H3C4: variants seen among roughly 807,000 people sequenced by gnomAD.
H3C4 encodes histone H3.1.
H3C4 carries 10 observed loss-of-function variants against 8.7 expected under a neutral mutation model. The ratio of observed to expected loss-of-function variants is 1.15; its 90% confidence interval spans 0.71 to 1.96. H3C4 has a LOEUF of 1.96. H3C4 is among the 30% of genes most tolerant of loss of function. H3C4 has a pLI of 0.00. For missense variants in H3C4, 216 were observed against 192.9 expected (o/e 1.12, Z -0.71); for synonymous variants, 141 against 80.1 (o/e 1.76, Z -4.06).
chr6:26,197,688 G>A (rs746577627), upstream of H3C4, among the ~76,000 whole-genome samples: 17 of 151,912 alleles, frequency 1.1e-4, no homozygotes, highest in Admixed American at 5.2e-4. Flanking sequence ...TTCATATCTT[G>A]ATTTGTCTAT....
upstream of H3C4, among the ~76,000 whole-genome samples, chr6:26,197,654 C>T (rs1418843859): frequency 6.6e-6 from 1 of 151,842 alleles, no homozygotes; most frequent in Non-Finnish European, 1.5e-5. Flanking sequence ...TTCTTTTTAC[C>T]CTCTTAAGTT....
rs752221139 is a variant in H3C4, at chr6:26,196,959, CGCAGGCCTCCT to C, written c.281_291del (p.Gln94ArgfsTer9). On this transcript the variant is annotated frameshift_variant, in exon 1 of 1. Transcript: ENST00000356476. LOFTEE classifies it high-confidence loss of function. ...TCAAACAGCCCCACCAGGTAGGCCTCGCAGGCCTCCTGCAGCGCCATCACCGCCGAGCTCTG... is the reference window on the plus strand; with the variant it reads ...TCAAACAGCCCCACCAGGTAGGCCTCGCAGCGCCATCACCGCCGAGCTCTG... 4.5e-5 allele frequency: 73 copies of C among 1,614,122 alleles called. 1 individual carries two copies. The Middle Eastern group carries it at 6.6e-4, about 15-fold the overall frequency.
At chr6:26,198,887 C>T (rs887806856), upstream of H3C4, 6 of 1,614,218 alleles carry the variant, frequency 3.7e-6, no homozygotes, top group East Asian at 6.7e-5. Context: ...TCTCAGTCTT[C>T]TTGGGGAGCA....
upstream of H3C4, chr6:26,198,776 G>C (rs1324814639): frequency 1.4e-6 from 2 of 1,438,788 alleles, no homozygotes; most frequent in East Asian, 2.3e-5. Context: ...GCCCTTTTAA[G>C]GAATACATGG....
chr6:26,196,866 G>A lies in H3C4; in HGVS notation c.385C>T (p.Arg129Cys). ...TIMPKDIQLA[R>C]RIRGERA ...TACGCCCTCTCCCCACGAATGCGGC[G>A]AGCAAGCTGGATGTCCTTGGGCATG... The change falls in exon 1 of 1, where the codon CGC (arginine) becomes TGC (cysteine). Residue 129 changes from arginine (R) to cysteine (C), a missense_variant. Physicochemically the swap from Arg to Cys is radical, Grantham distance 180. Transcript: ENST00000356476. The A allele has an allele frequency of 1.2e-6, 2 of 1,614,210 alleles. No homozygotes were observed. Among genetic ancestry groups the A allele is most frequent in the South Asian group, 2.2e-5 (2 of 91,088 alleles).
At chr6:26,197,415 C>T (rs527437938), upstream of H3C4, 4 of 649,652 alleles carry the variant, frequency 6.2e-6, no homozygotes, top group Non-Finnish European at 1.1e-5. Flanking sequence ...GCATGTAGAC[C>T]AAATATTAAA....
At chr6:26,199,244 T>C (rs371204548), upstream of H3C4, 11 of 1,592,212 alleles carry the variant, frequency 6.9e-6, no homozygotes, top group Non-Finnish European at 8.5e-6. Context: ...GTCCGGACAT[T>C]TTGAATTCTT....
chr6:26,199,212 G>C (rs137859753), upstream of H3C4: 3 of 1,607,636 alleles, frequency 1.9e-6, no homozygotes, highest in Non-Finnish European at 2.5e-6. Flanking sequence ...CTTAGCTCGG[G>C]CCTTTCCGCC....
At chr6:26,199,206 G>C (rs771157419), upstream of H3C4, 8 of 1,609,568 alleles carry the variant, frequency 5.0e-6, no homozygotes, top group Admixed American at 8.6e-5. Context: ...CTTAGCCTTA[G>C]CTCGGGCCTT....
chr6:26,198,621 C>T (rs1173743568), upstream of H3C4, among the ~76,000 whole-genome samples: 4 of 152,112 alleles, frequency 2.6e-5, no homozygotes, highest in East Asian at 1.9e-4. Flanking sequence ...CGTAAGGAAC[C>T]GCGCCCCGCC....
chr6:26,197,065 C>G lies in H3C4; in HGVS notation c.186G>C (p.Leu62=). 6.2e-7 allele frequency: 1 copy of G among 1,614,246 alleles called. No individual in the cohort carries two copies. Among genetic ancestry groups the G allele is most frequent in the South Asian group, 1.1e-5 (1 of 91,088 alleles). Residue 62 remains leucine, a synonymous_variant, in exon 1 of 1, where the codon CTG becomes CTC. Coordinates refer to ENST00000356476, the MANE Select transcript of H3C4 (RefSeq NM_001376937.1). ...IRRYQKSTEL[L]IRKLPFQRLV... ...GACGCTGGAATGGCAGTTTGCGAATCAGCAGCTCGGTCGACTTCTGGTAGC... is the reference window on the plus strand; with the variant it reads ...GACGCTGGAATGGCAGTTTGCGAATGAGCAGCTCGGTCGACTTCTGGTAGC...
At chr6:26,198,805 TTTG>T (rs1446959609), upstream of H3C4, 6 of 1,583,952 alleles carry the variant, frequency 3.8e-6, no homozygotes, top group East Asian at 2.2e-5. Context: ...GAAAAGAGCC[TTTG>T]TTAAGACTGC....
rs1764987913 is a variant in H3C4 at position 26,197,091 on chromosome 6, G to C, written c.160C>G (p.Arg54Gly). 6.2e-7 allele frequency: 1 copy of C among 1,614,210 alleles called. No homozygotes were observed. Among genetic ancestry groups the C allele is most frequent in the Non-Finnish European group, 8.5e-7 (1 of 1,180,034 alleles). Reference protein sequence around the residue: ...PGTVALREIRRYQKSTELLIR... With the variant: ...PGTVALREIRGYQKSTELLIR... ...AGCAGCTCGGTCGACTTCTGGTAGC[G>C]GCGGATCTCGCGCAGAGCCACCGTG... The change falls in exon 1 of 1, where the codon CGC becomes GGC. Residue 54 changes from arginine to glycine, a missense_variant. By Grantham distance (125) the Arg-to-Gly change is moderately radical (BLOSUM62 -2). Transcript: ENST00000356476.
At chr6:26,198,230 C>G (rs930807626), upstream of H3C4, among the ~76,000 whole-genome samples, 3 of 152,168 alleles carry the variant, frequency 2.0e-5, no homozygotes, top group African/African-American at 7.2e-5. Flanking sequence ...TCCTGTATGT[C>G]TCAGGCCTTT....
upstream of H3C4, chr6:26,199,159 C>A: frequency 6.2e-7 from 1 of 1,614,176 alleles, no homozygotes; most frequent in Non-Finnish European, 8.5e-7. Context: ...TGTACGCGGC[C>A]CACAGGGAAC....
rs1484858357 is a variant in H3C4, at chr6:26,197,163, C to A, written c.88G>T (p.Ala30Ser). ...QLATKAARKSAPATGGVKKPH... is the reference protein window; with the variant it reads ...QLATKAARKSSPATGGVKKPH... ...TTCTTCACGCCGCCGGTGGCTGGAG[C>A]GCTCTTTCGAGCAGCCTTGGTGGCC... The change falls in exon 1 of 1, where the codon GCT (alanine) becomes TCT (serine). Residue 30 changes from alanine to serine, a missense_variant. Ala to Ser is a moderately conservative substitution (Grantham distance 99, BLOSUM62 1). Coordinates refer to ENST00000356476, the MANE Select transcript of H3C4 (RefSeq NM_001376937.1). The A allele has an allele frequency of 1.2e-6, 2 of 1,614,040 alleles. No individual in the cohort carries two copies. The highest frequency in any genetic ancestry group is 1.7e-6 in the Non-Finnish European group (2 of 1,180,018).
At chr6:26,199,188 G>C (rs1323640905), upstream of H3C4, 2 of 1,613,950 alleles carry the variant, frequency 1.2e-6, no homozygotes, top group African/African-American at 1.3e-5. Context: ...GGCCCGCGAA[G>C]AGCGGGTCTT....
upstream of H3C4, among the ~76,000 whole-genome samples, chr6:26,197,676 A>G (rs926709955): frequency 6.6e-6 from 1 of 152,080 alleles, no homozygotes; most frequent in Non-Finnish European, 1.5e-5. Flanking sequence ...AGAAAGGTTA[A>G]TTTCATATCT....
At chr6:26,197,373 G>A, upstream of H3C4, 1 of 945,624 alleles carries the variant, frequency 1.1e-6, no homozygotes, top group South Asian at 1.6e-5. Flanking sequence ...CTCGATTGGT[G>A]GAGACGCCCA....
Sources: gnomAD v4.1 joint callset for allele counts (sites outside exome capture counted in the v4.1 genomes callset) on GRCh38, gnomAD v4.1.1 for gene constraint, MANE v1.5 for transcripts, NCBI Gene and HGNC (gene_info 2026-07-23, HGNC 2026-07-21) for gene names.